The following SLC5A4 variants were observed in gnomAD, a reference collection of about 807,000 sequenced individuals.
SLC5A4 encodes solute carrier family 5 member 4.
In SLC5A4, 55 loss-of-function variants were observed where a neutral mutation model predicts 70.3. The observed-to-expected ratio is 0.78, with a 90% CI of 0.63 to 0.98. SLC5A4 has a LOEUF of 0.98. Among genes scored for constraint, SLC5A4 ranks in the 50% least tolerant of loss-of-function variants. The pLI is 0.00. For synonymous variants in SLC5A4, 268 were observed against 305.7 expected (o/e 0.88, Z 1.29); for missense variants, 735 against 839.2 (o/e 0.88, Z 1.53).
At chr22:32,239,289 T>C (rs909230061) in intron 5 of SLC5A4, among the ~76,000 whole-genome samples, 199 bp from the exon 6 acceptor site, 3 of 151,312 alleles carry the variant, frequency 2.0e-5, no homozygotes, top group Non-Finnish European at 4.4e-5. Context: ...CTCTCTTCTG[T>C]AGTCGCATAG....
chr22:32,277,296 A>G, the SLC5A4 span: 5 of 152,288 alleles, frequency 3.3e-5, no homozygotes, highest in Admixed American at 3.3e-4. Flanking sequence ...CCTTAAGTCA[A>G]CCTCTGAGTG....
chr22:32,271,759 C>G, the SLC5A4 span: 1 of 590,928 alleles, frequency 1.7e-6, no homozygotes, highest in South Asian at 1.6e-5. Flanking sequence ...CCCGCGGCTT[C>G]CTGTACTTCA....
the SLC5A4 span, among the ~76,000 whole-genome samples, chr22:32,338,589 T>C: frequency 6.6e-6 from 1 of 152,164 alleles, no homozygotes; most frequent in Non-Finnish European, 1.5e-5. Context: ...CACTTGAACC[T>C]GGGAGGCAGA....
the SLC5A4 span, among the ~76,000 whole-genome samples, chr22:32,316,769 C>T: frequency 6.6e-6 from 1 of 151,888 alleles, no homozygotes; most frequent in Non-Finnish European, 1.5e-5. Context: ...AACTCCTGAC[C>T]ACAGGTGATC....
the SLC5A4 span, among the ~76,000 whole-genome samples, chr22:32,339,210 G>C: frequency 6.6e-6 from 1 of 152,210 alleles, no homozygotes; most frequent in Non-Finnish European, 1.5e-5. Context: ...GTGTGAGTGG[G>C]ATCCGTAGCG....
the SLC5A4 span, among the ~76,000 whole-genome samples, chr22:32,330,944 A>G: frequency 0.41 from 6,524 of 15,734 alleles, 803 homozygotes; most frequent in Non-Finnish European, 0.46. Context: ...TATGTGTTGG[A>G]GGCTCTGGTG....
At chr22:32,347,885 T>C in the SLC5A4 span, among the ~76,000 whole-genome samples, 1 of 151,128 alleles carries the variant, frequency 6.6e-6, no homozygotes, top group Non-Finnish European at 1.5e-5. Flanking sequence ...GAAAATGAAC[T>C]CATAACTATA....
At chr22:32,317,872 C>T in the SLC5A4 span, among the ~76,000 whole-genome samples, 1 of 152,320 alleles carries the variant, frequency 6.6e-6, no homozygotes, top group African/African-American at 2.4e-5. Flanking sequence ...TGGAAGGATT[C>T]TCTGCACTTT....
chr22:32,248,671 G>T, intron 4 of SLC5A4, 72 bp downstream of exon 4: 2 of 1,046,860 alleles, frequency 1.9e-6, no homozygotes, highest in South Asian at 2.5e-5. Context: ...CATTGTCTCA[G>T]TGATTGATCT....
the SLC5A4 span, among the ~76,000 whole-genome samples, chr22:32,344,889 A>G: frequency 1.3e-5 from 2 of 152,208 alleles, no homozygotes; most frequent in African/African-American, 4.8e-5. Flanking sequence ...GAAATTAAAG[A>G]AAAAAACCCA....
intron 14 of SLC5A4, among the ~76,000 whole-genome samples, chr22:32,220,641 T>C (rs1240070658): frequency 6.6e-6 from 1 of 152,192 alleles, no homozygotes; most frequent in East Asian, 1.9e-4. Flanking sequence ...CAATCAAGAT[T>C]GAACACTTAC....
the SLC5A4 span, chr22:32,285,141 GTA>G: frequency 6.6e-6 from 1 of 152,090 alleles, no homozygotes; most frequent in South Asian, 2.1e-4. Flanking sequence ...AGATGTGTGT[GTA>G]TATATGATAT....
intron 4 of SLC5A4, 56 bp from the exon 5 acceptor site, chr22:32,247,571 A>T: frequency 1.8e-6 from 2 of 1,112,640 alleles, no homozygotes; most frequent in Admixed American, 3.4e-5. Context: ...CTGTGCGTTC[A>T]GATTATTCAG....
At chr22:32,236,763 G>A (rs1258063499) in intron 7 of SLC5A4, among the ~76,000 whole-genome samples, 1 of 149,380 alleles carries the variant, frequency 6.7e-6, no homozygotes, top group Non-Finnish European at 1.5e-5. Flanking sequence ...GGAGTGCAGT[G>A]GCGCCATCTC....
chr22:32,331,316 C>T, the SLC5A4 span, among the ~76,000 whole-genome samples: 8 of 151,956 alleles, frequency 5.3e-5, no homozygotes, highest in Non-Finnish European at 1.2e-4. Flanking sequence ...GTGCTTTGGC[C>T]TCTCTGAGCC....
At chr22:32,271,754 G>A in the SLC5A4 span, 30 of 589,406 alleles carry the variant, frequency 5.1e-5, no homozygotes, top group Admixed American at 1.4e-4. Context: ...CTGTCCCCGC[G>A]GCTTCCTGTA....
At chr22:32,321,588 G>A in the SLC5A4 span, among the ~76,000 whole-genome samples, 7 of 152,200 alleles carry the variant, frequency 4.6e-5, no homozygotes, top group African/African-American at 1.7e-4. Flanking sequence ...GTACCCATTA[G>A]TTATTTTTTC....
At chr22:32,270,897 T>C in the SLC5A4 span, 1 of 564,506 alleles carries the variant, frequency 1.8e-6, no homozygotes, top group Non-Finnish European at 3.3e-6. Context: ...GTGATCACGC[T>C]GTGCCTGTAC....
At chr22:32,229,844 T>A (rs1470334656) in intron 10 of SLC5A4, among the ~76,000 whole-genome samples, 3 of 152,156 alleles carry the variant, frequency 2.0e-5, no homozygotes, top group Non-Finnish European at 4.4e-5. Flanking sequence ...GGGGACAGAT[T>A]AAAGCAAAAA....
Sources: allele counts gnomAD v4.1 joint callset (sites outside exome capture counted in the v4.1 genomes callset), GRCh38; gene constraint gnomAD v4.1.1; transcripts MANE v1.5; gene names NCBI Gene and HGNC (gene_info 2026-07-23, HGNC 2026-07-21).